Variants in SEL1L2 observed in about 807,000 individuals in gnomAD.
SEL1L2 encodes the protein SEL1L2 adaptor subunit of SYVN1 ubiquitin ligase.
In SEL1L2, 89 loss-of-function variants were observed where a neutral mutation model predicts 98.8. The ratio of observed to expected loss-of-function variants is 0.90; its 90% confidence interval spans 0.76 to 1.07. The LOEUF (loss-of-function observed/expected upper bound fraction) is 1.07. Among genes scored for constraint, SEL1L2 ranks in the 50% least tolerant of loss-of-function variants. SEL1L2 has a pLI of 0.00. For synonymous variants in SEL1L2, 262 were observed against 278.5 expected, an observed-to-expected ratio of 0.94 and a Z score of 0.59; for missense variants, 788 against 812.0, an observed-to-expected ratio of 0.97 and a Z score of 0.36.
At chr20:13,929,041 C>T (rs1451989508) in intron 3 of SEL1L2, among the ~76,000 whole-genome samples, 2 of 152,012 alleles carry the variant, frequency 1.3e-5, no homozygotes, top group Non-Finnish European at 2.9e-5. Context: ...TGGGTTGGCC[C>T]GATTCCATCA....
intron 1 of SEL1L2, 141 bp downstream of exon 1, chr20:13,990,336 T>G (rs984005640): frequency 6.1e-6 from 4 of 659,370 alleles, no homozygotes; most frequent in Non-Finnish European, 1.1e-5. Context: ...TATTGGACAT[T>G]TTAAAGTACC....
chr20:13,850,976 C>T (rs1202553517), intron 18 of SEL1L2, among the ~76,000 whole-genome samples: 4 of 152,158 alleles, frequency 2.6e-5, no homozygotes, highest in Admixed American at 6.5e-5. Flanking sequence ...GGGGTTCACG[C>T]CTGTAGTCCC....
chr20:13,859,682 TTTG>T (rs762654783), intron 17 of SEL1L2, among the ~76,000 whole-genome samples: 5 of 152,238 alleles, frequency 3.3e-5, no homozygotes, highest in East Asian at 1.9e-4. Flanking sequence ...GTATGCATGT[TTTG>T]TTGTTGTTGT....
At chr20:13,876,406 C>CTTTTT (rs11087067) in intron 11 of SEL1L2, among the ~76,000 whole-genome samples, 8 of 101,926 alleles carry the variant, frequency 7.8e-5, no homozygotes, top group Non-Finnish European at 1.0e-4. Context: ...CTCTCTCTCT[C>CTTTTT]TTTTTTTTTT....
intron 1 of SEL1L2, among the ~76,000 whole-genome samples, chr20:13,972,600 A>C (rs2051335268): frequency 6.6e-6 from 1 of 152,144 alleles, no homozygotes; most frequent in Non-Finnish European, 1.5e-5. Context: ...AATTTTCTGA[A>C]TCCATTCATG....
At chr20:13,858,833 T>C (rs1989580094) in intron 18 of SEL1L2, among the ~76,000 whole-genome samples, 1 of 152,230 alleles carries the variant, frequency 6.6e-6, no homozygotes, top group South Asian at 2.1e-4. Context: ...ATAAGACTTT[T>C]CTGGATTAAT....
At chr20:13,868,439 C>T (rs1457747316) in intron 14 of SEL1L2, among the ~76,000 whole-genome samples, 1 of 152,026 alleles carries the variant, frequency 6.6e-6, no homozygotes, top group Non-Finnish European at 1.5e-5. Context: ...TGAGTTCCTT[C>T]TCTTTCCTTC....
intron 1 of SEL1L2, among the ~76,000 whole-genome samples, chr20:13,962,845 C>T (rs1455393251): frequency 6.6e-6 from 1 of 152,054 alleles, no homozygotes; most frequent in Non-Finnish European, 1.5e-5. Flanking sequence ...GCAGGCAGAT[C>T]ACAAGGTCAG....
intron 1 of SEL1L2, among the ~76,000 whole-genome samples, chr20:13,989,083 T>A (rs1042969019): frequency 6.6e-6 from 1 of 152,196 alleles, no homozygotes; most frequent in Admixed American, 6.5e-5. Flanking sequence ...AGTATTGCCA[T>A]CTTACCAATA....
intron 3 of SEL1L2, among the ~76,000 whole-genome samples, chr20:13,920,418 C>G (rs562459710): frequency 6.6e-6 from 1 of 152,074 alleles, no homozygotes; most frequent in Non-Finnish European, 1.5e-5. Context: ...TGATATTTTC[C>G]AAACGTTTAT....
rs74732117 is a variant in SEL1L2, at chr20:13,985,789, C to A, written c.58+4688G>T. Among the ~76,000 whole-genome samples the A allele has an allele frequency of 4.8e-3, 735 of 152,228 alleles. 5 individuals are homozygous for A. Among genetic ancestry groups the A allele is most frequent in the African/African-American group, 0.017 (690 of 41,524 alleles). On this transcript the variant is annotated intron_variant, in intron 1 of 19. Transcript: ENST00000284951. The stretch of plus-strand genomic sequence containing the variant: ...ATTACCCCAAAAAGAAATCCTGTAC[C>A]CCTTAGTCATCATTCCCCAATTGCC...
chr20:13,921,796 G>A (rs937720271), intron 3 of SEL1L2, among the ~76,000 whole-genome samples: 22 of 151,938 alleles, frequency 1.4e-4, no homozygotes, highest in Non-Finnish European at 2.1e-4. Flanking sequence ...CTGCATGTTT[G>A]TAGCTTTGAG....
At chr20:13,894,553 T>C (rs1461318993) in intron 5 of SEL1L2, among the ~76,000 whole-genome samples, 1 of 151,966 alleles carries the variant, frequency 6.6e-6, no homozygotes, top group Non-Finnish European at 1.5e-5. Flanking sequence ...GAGCAAGACT[T>C]CGGTTCACAA....
chr20:13,882,962 G>T (rs1285789824), intron 10 of SEL1L2, among the ~76,000 whole-genome samples: 1 of 151,056 alleles, frequency 6.6e-6, no homozygotes, highest in African/African-American at 2.4e-5. Context: ...GACTACAGGC[G>T]CCCGCCACTA....
intron 1 of SEL1L2, among the ~76,000 whole-genome samples, chr20:13,963,667 G>A (rs6135034): frequency 6.6e-6 from 1 of 152,144 alleles, no homozygotes; most frequent in African/African-American, 2.4e-5. Context: ...AGTGAGCTGA[G>A]ATTGAACCGC....
chr20:13,892,160 G>C (rs2047231735), intron 5 of SEL1L2, among the ~76,000 whole-genome samples: 1 of 152,088 alleles, frequency 6.6e-6, no homozygotes, highest in Non-Finnish European at 1.5e-5. Flanking sequence ...ATTGTTATAA[G>C]ATATTTTAGC....
At chr20:13,970,913 ATATC>A (rs1160070894) in intron 1 of SEL1L2, among the ~76,000 whole-genome samples, 6 of 149,204 alleles carry the variant, frequency 4.0e-5, no homozygotes, top group Non-Finnish European at 7.4e-5. Flanking sequence ...TATATATACT[ATATC>A]TATTACTATA....
At chr20:13,856,390 AG>A (rs1173969582) in intron 18 of SEL1L2, among the ~76,000 whole-genome samples, 2 of 152,188 alleles carry the variant, frequency 1.3e-5, no homozygotes, top group Non-Finnish European at 2.9e-5. Flanking sequence ...TCGGCCTCCC[AG>A]TGTGCTGGGA....
intron 12 of SEL1L2, among the ~76,000 whole-genome samples, chr20:13,873,549 A>G (rs1226922652): frequency 6.6e-6 from 1 of 151,376 alleles, no homozygotes; most frequent in Non-Finnish European, 1.5e-5. Context: ...TTTAGTAGAG[A>G]TGGGGTTTCA....
Sources: allele counts gnomAD v4.1 joint callset (sites outside exome capture counted in the v4.1 genomes callset), GRCh38; gene constraint gnomAD v4.1.1; transcripts MANE v1.5; gene names NCBI Gene and HGNC (gene_info 2026-07-23, HGNC 2026-07-21).